The following ZC2HC1B variants were observed in gnomAD, a reference collection of about 807,000 sequenced individuals.
ZC2HC1B encodes the protein zinc finger C2HC-type containing 1B.
Under a neutral mutation model 31.0 loss-of-function variants are expected in ZC2HC1B, and 36 were observed. The ratio of observed to expected loss-of-function variants is 1.16; its 90% CI spans 0.89 to 1.54. The LOEUF (loss-of-function observed/expected upper bound fraction) is 1.54. ZC2HC1B is among the 40% of genes most tolerant of loss of function. ZC2HC1B has a pLI of 0.00. For synonymous variants in ZC2HC1B, 73 were observed against 88.0 expected (o/e 0.83, Z 0.95); for missense variants, 260 against 268.6 (o/e 0.97, Z 0.22).
At position 143,903,190 on chromosome 6, in the gene ZC2HC1B, G is replaced by T. The variant is rs1025436575; in HGVS notation, c.598+38G>T. ...ACGCATTTCATCTCTCAAATGATGGGGGTCAGAGGAGATCACTGTTGGGTT... is the reference window on the plus strand; with the variant it reads ...ACGCATTTCATCTCTCAAATGATGGTGGTCAGAGGAGATCACTGTTGGGTT... On this transcript the variant is annotated intron_variant, in intron 6 of 7. Coordinates refer to ENST00000237275, the MANE Select transcript of ZC2HC1B (RefSeq NM_001013623.3). The surrounding 1 kb of genome is among the most constrained non-coding windows in gnomAD (Gnocchi z 4.3). 1.3e-6 allele frequency: 2 copies of T among 1,517,764 alleles called. No homozygotes were observed. Among genetic ancestry groups the T allele is most frequent in the African/African-American group, 1.4e-5 (1 of 72,272 alleles). The allele number at this position is 1,517,764 out of a possible 1,614,324, so 94.0% of individuals were successfully genotyped here. A position where few individuals can be genotyped will look rare whatever the true frequency, so the allele number is the denominator to read the frequency against.
At chr6:143,893,429 A>T in intron 4 of ZC2HC1B, among the ~76,000 whole-genome samples, 1 of 152,016 alleles carries the variant, frequency 6.6e-6, no homozygotes, top group East Asian at 2.0e-4. Flanking sequence ...TTAGCCAGGC[A>T]TGGTGGCTCA....
In ZC2HC1B at chr6:143,887,843, T is replaced by G. The variant is rs1015855340; in HGVS notation, c.349+1022T>G. Among the ~76,000 whole-genome samples the G allele has an allele frequency of 6.6e-6, 1 of 152,090 alleles. No homozygotes were observed. The highest frequency in any genetic ancestry group is 1.5e-5 in the Non-Finnish European group (1 of 67,976). On this transcript the variant is annotated intron_variant, in intron 4 of 7. Transcript: ENST00000237275. This position sits in a 1 kb window ranked among gnomAD's most constrained non-coding sequence, Gnocchi z 5.1. Reference sequence around the variant, plus strand: ...AGATACAATACATGATTTGCAAATATTGTCTCCAGTTCTGTGGACTGTCTT... The same window carrying G: ...AGATACAATACATGATTTGCAAATAGTGTCTCCAGTTCTGTGGACTGTCTT...
chr6:143,881,054 C>T (rs564061825), intron 1 of ZC2HC1B, among the ~76,000 whole-genome samples: 99 of 152,312 alleles, frequency 6.5e-4, no homozygotes, highest in African/African-American at 2.3e-3. Context: ...CTCCCTCATT[C>T]TAACCCCATA....
intron 1 of ZC2HC1B, among the ~76,000 whole-genome samples, chr6:143,882,483 A>G (rs1309207796): frequency 6.6e-6 from 1 of 151,210 alleles, no homozygotes; most frequent in African/African-American, 2.4e-5. Flanking sequence ...AGATGTGACA[A>G]GAAATCATTT....
Position 143,937,691 on chromosome 6 carries a change from G to A in ZC2HC1B, c.641G>A (p.Gly214Glu), listed in dbSNP as rs1778194740. The change falls in exon 7 of 8, where the codon GGA becomes GAA. Residue 214 changes from glycine to glutamate, a missense_variant. Transcript: ENST00000237275. ...GCTTCTGGAGCAAAACTCAGACAAGGATTTAGTAAATCTTCTAAAAAAGAT... is the reference window on the plus strand; with the variant it reads ...GCTTCTGGAGCAAAACTCAGACAAGAATTTAGTAAATCTTCTAAAAAAGAT... ...DPASGAKLRQ[G>E]FSKSSKKD 3 of 1,550,724 alleles carry A rather than the reference G, an allele frequency of 1.9e-6. No individual in the cohort carries two copies. The highest frequency in any genetic ancestry group is 2.4e-5 in the South Asian group (2 of 83,848).
At chr6:143,929,068 T>G (rs547332037) in intron 6 of ZC2HC1B, among the ~76,000 whole-genome samples, 1 of 152,288 alleles carries the variant, frequency 6.6e-6, no homozygotes, top group African/African-American at 2.4e-5. Flanking sequence ...TTTCCCATTT[T>G]GATGGCTTTT....
intron 6 of ZC2HC1B, among the ~76,000 whole-genome samples, chr6:143,927,366 A>T (rs1490379562): frequency 1.3e-5 from 2 of 152,060 alleles, no homozygotes; most frequent in African/African-American, 2.4e-5. Flanking sequence ...ATGTGTGCAT[A>T]CTATTTATCT....
Position 143,899,600 on chromosome 6 carries a change from C to T in ZC2HC1B, c.489+909C>T, listed in dbSNP as rs1050108933. On this transcript the variant is annotated intron_variant, in intron 5 of 7. Coordinates refer to ENST00000237275, the MANE Select transcript of ZC2HC1B (RefSeq NM_001013623.3). The surrounding 1 kb of genome is among the most constrained non-coding windows in gnomAD (Gnocchi z 5.0). Reference sequence around the variant, plus strand: ...CTGTGTTGCTCAGGCTGGTCTCAAACTCCTGGGCCCAAGCAATCTGCCCTC... The same window carrying T: ...CTGTGTTGCTCAGGCTGGTCTCAAATTCCTGGGCCCAAGCAATCTGCCCTC... Among the ~76,000 whole-genome samples the T allele has an allele frequency of 4.6e-5, 7 of 152,172 alleles. No homozygotes were observed. The highest frequency in any genetic ancestry group is 2.6e-4 in the Admixed American group (4 of 15,278).
At chr6:143,925,553 T>C (rs1296795952) in intron 6 of ZC2HC1B, among the ~76,000 whole-genome samples, 1 of 112,290 alleles carries the variant, frequency 8.9e-6, no homozygotes, top group Non-Finnish European at 1.9e-5. Flanking sequence ...TTTTTTTTTT[T>C]GAGACGGAGT....
intron 6 of ZC2HC1B, among the ~76,000 whole-genome samples, chr6:143,904,389 A>G (rs959045953): frequency 6.6e-6 from 1 of 151,986 alleles, no homozygotes; most frequent in African/African-American, 2.4e-5. Context: ...TGTTTGAGAC[A>G]GGGTCTCTGT....
Position 143,933,013 on chromosome 6 carries a change from C to T in ZC2HC1B, c.599-4636C>T, listed in dbSNP as rs1402231855. Among the ~76,000 whole-genome samples, 4 of 152,156 alleles carry T rather than the reference C, an allele frequency of 2.6e-5. No homozygotes were observed. The highest frequency in any genetic ancestry group is 7.2e-5 in the African/African-American group (3 of 41,426). On this transcript the variant is annotated intron_variant, in intron 6 of 7. Transcript: ENST00000237275. This position sits in a 1 kb window ranked among gnomAD's most constrained non-coding sequence, Gnocchi z 6.4. ...GCAATTTGTCTTCGGGTCTACCAGC[C>T]GTGGATACCAGCACCTGTTCTGATG...
At chr6:143,896,080 T>C (rs1777662622) in intron 4 of ZC2HC1B, among the ~76,000 whole-genome samples, 1 of 152,214 alleles carries the variant, frequency 6.6e-6, no homozygotes, top group Non-Finnish European at 1.5e-5. Flanking sequence ...CACAGGACTC[T>C]CTCCTGCCTG....
At chr6:143,879,230 T>C (rs979949060) in intron 1 of ZC2HC1B, among the ~76,000 whole-genome samples, 13 of 152,196 alleles carry the variant, frequency 8.5e-5, no homozygotes, top group African/African-American at 2.9e-4. Context: ...GAAGTAGAGT[T>C]TGGTGTTGCT....
intron 4 of ZC2HC1B, 91 bp from the exon 5 acceptor site, chr6:143,898,461 T>C (rs1393819963): frequency 6.9e-7 from 1 of 1,440,370 alleles, no homozygotes; most frequent in Non-Finnish European, 9.4e-7. Flanking sequence ...ATATCCTTAT[T>C]TCACTTCATG....
intron 6 of ZC2HC1B, among the ~76,000 whole-genome samples, chr6:143,926,082 A>T (rs540566226): frequency 6.6e-6 from 1 of 151,368 alleles, no homozygotes; most frequent in East Asian, 2.0e-4. Context: ...TTTTCATTCC[A>T]TTGACCTTTG....
rs202076596 is a variant in ZC2HC1B, at chr6:143,876,941, T to TA, written c.29-7361dup. On this transcript the variant is annotated intron_variant, in intron 1 of 7. Transcript: ENST00000237275. ...TTTCCCAGCCCACTGACTCAAGTGT[T>TA]AATCTCCTTTGGCAACACCCTCACA... Among the ~76,000 whole-genome samples, 1,012 of 150,798 alleles carry TA rather than the reference T, an allele frequency of 6.7e-3. 64 individuals carry two copies. Among genetic ancestry groups the TA allele is most frequent in the African/African-American group, 0.022 (912 of 40,916 alleles).
intron 5 of ZC2HC1B, among the ~76,000 whole-genome samples, chr6:143,900,177 G>T (rs1272281665): frequency 1.3e-5 from 2 of 152,060 alleles, no homozygotes; most frequent in East Asian, 1.9e-4. Context: ...ATCACCTGAG[G>T]TAGGGAGTTT....
chr6:143,907,149 T>C (rs2128495649), intron 6 of ZC2HC1B, among the ~76,000 whole-genome samples: 1 of 152,360 alleles, frequency 6.6e-6, no homozygotes, highest in South Asian at 2.1e-4. Context: ...CCATGGTGTA[T>C]ATGTACCACA....
chr6:143,908,408 G>A lies in ZC2HC1B; in HGVS notation c.598+5256G>A, dbSNP rs12211801. 0.067 allele frequency among the ~76,000 whole-genome samples: 10,164 copies of A among 152,228 alleles called. 354 individuals carry two copies. Among genetic ancestry groups the A allele is most frequent in the Middle Eastern group, 0.11 (31 of 294 alleles). On this transcript the variant is annotated intron_variant, in intron 6 of 7. Transcript: ENST00000237275. The surrounding 1 kb of genome is among the most constrained non-coding windows in gnomAD (Gnocchi z 4.4). ...TGATATTGATTCTTCCTATTCATGAGCATGGTATATTTTTCCATTTGTTTG... is the reference window on the plus strand; with the variant it reads ...TGATATTGATTCTTCCTATTCATGAACATGGTATATTTTTCCATTTGTTTG...
Sources: allele counts gnomAD v4.1 joint callset (sites outside exome capture counted in the v4.1 genomes callset), GRCh38; gene constraint gnomAD v4.1.1; non-coding constraint Gnocchi (gnomAD v3.1); transcripts MANE v1.5; gene names NCBI Gene and HGNC (gene_info 2026-07-23, HGNC 2026-07-21).